Variants in CCDC141 observed in about 807,000 individuals in gnomAD.
CCDC141 encodes coiled-coil domain containing 141.
Under a neutral mutation model 181.0 loss-of-function variants are expected in CCDC141, and 168 were observed. The ratio of observed to expected loss-of-function variants is 0.93; its 90% CI spans 0.82 to 1.05. The LOEUF (loss-of-function observed/expected upper bound fraction) is 1.05, where lower values mean the gene tolerates loss of function less well. Ranked by LOEUF, CCDC141 falls within the 50% of genes least tolerant of loss-of-function variation. The pLI, the probability that CCDC141 is intolerant of heterozygous loss-of-function variation, is 0.00. For missense variants in CCDC141, 1,902 were observed against 1,788.5 expected, an observed-to-expected ratio of 1.06 and a Z score of -1.14; for synonymous variants, 666 against 642.3, an observed-to-expected ratio of 1.04 and a Z score of -0.56.
intron 23 of CCDC141, among the ~76,000 whole-genome samples, chr2:178,835,500 T>C (rs1684441517): frequency 6.6e-6 from 1 of 152,214 alleles, no homozygotes; most frequent in Non-Finnish European, 1.5e-5. Flanking sequence ...TGATGACAAA[T>C]GTGAATCGTT....
intron 2 of CCDC141, among the ~76,000 whole-genome samples, chr2:179,029,849 A>G (rs1433353548): frequency 6.6e-6 from 1 of 152,130 alleles, no homozygotes; most frequent in Admixed American, 6.6e-5. Context: ...TGATATAGAA[A>G]GTTTTCTGTT....
intron 6 of CCDC141, among the ~76,000 whole-genome samples, chr2:178,936,314 T>C (rs1330928775): frequency 6.6e-6 from 1 of 152,156 alleles, no homozygotes; most frequent in Non-Finnish European, 1.5e-5. Context: ...ATCTTCTGCA[T>C]GTGGCTAGTC....
chr2:178,850,031 C>A lies in CCDC141; in HGVS notation c.3357+18G>T. Reference sequence around the variant, plus strand: ...TTTATTTTGCTTGAAAATACATATTCTAGGAAGAAGAAATTACCTTCAGTT... The same window carrying A: ...TTTATTTTGCTTGAAAATACATATTATAGGAAGAAGAAATTACCTTCAGTT... On this transcript the variant is annotated intron_variant, in intron 21 of 23. Coordinates refer to ENST00000443758, the MANE Select transcript of CCDC141 (RefSeq NM_173648.4). 1 of 1,334,238 alleles carries A rather than the reference C, an allele frequency of 7.5e-7. No homozygotes were observed. The highest frequency in any genetic ancestry group is 1.1e-6 in the Non-Finnish European group (1 of 941,040). 82.6% of individuals were successfully genotyped at this position (1,334,238 alleles called of 1,614,324 possible).
At chr2:178,859,575 T>C (rs1685517001) in intron 17 of CCDC141, among the ~76,000 whole-genome samples, 1 of 152,142 alleles carries the variant, frequency 6.6e-6, no homozygotes, top group African/African-American at 2.4e-5. Context: ...TTATAATTCA[T>C]ATTAAAGTTC....
rs947769235 is a variant in CCDC141, at chr2:178,938,947, A to T, written c.897+5588T>A. On this transcript the variant is annotated intron_variant, in intron 6 of 23. Coordinates refer to ENST00000443758, the MANE Select transcript of CCDC141 (RefSeq NM_173648.4). ...ATTCTGTTCTGGAGTAAGGGAAGAC[A>T]AAGAATATAGAACTATAAACATTTG... Among the ~76,000 whole-genome samples the T allele has an allele frequency of 5.9e-5, 9 of 152,296 alleles. No individual in the cohort carries two copies. The South Asian group carries it at 8.3e-4, about 14-fold the overall frequency.
At chr2:179,000,042 A>G (rs1575326934) in intron 2 of CCDC141, among the ~76,000 whole-genome samples, 1 of 141,432 alleles carries the variant, frequency 7.1e-6, no homozygotes, top group South Asian at 2.3e-4. Context: ...CACTGCTCAG[A>G]GATTCATCAC....
chr2:178,907,759 C>A (rs1354265056), intron 7 of CCDC141, among the ~76,000 whole-genome samples: 2 of 151,974 alleles, frequency 1.3e-5, no homozygotes, highest in African/African-American at 4.8e-5. Flanking sequence ...TTTGGGAGGC[C>A]AAGGTGGGTG....
chr2:179,043,041 G>A (rs914367914), intron 2 of CCDC141, among the ~76,000 whole-genome samples: 4 of 152,100 alleles, frequency 2.6e-5, no homozygotes, highest in African/African-American at 7.2e-5. Context: ...AAGGGGGATA[G>A]TACAACTGAC....
At chr2:178,924,992 C>T in intron 6 of CCDC141, among the ~76,000 whole-genome samples, 1 of 152,198 alleles carries the variant, frequency 6.6e-6, no homozygotes, top group East Asian at 1.9e-4. Context: ...CAATGACAGT[C>T]ACCACCAGTT....
chr2:178,828,655 G>A (rs1403331836), downstream of CCDC141, among the ~76,000 whole-genome samples: 1 of 152,160 alleles, frequency 6.6e-6, no homozygotes, highest in African/African-American at 2.4e-5. Flanking sequence ...ACCCTGCCAA[G>A]TAAGTGGTTT....
chr2:178,863,451 T>C (rs1208809380), intron 17 of CCDC141, among the ~76,000 whole-genome samples: 2 of 152,214 alleles, frequency 1.3e-5, no homozygotes, highest in African/African-American at 2.4e-5. Context: ...GTATCATATT[T>C]AATTTTACGT....
intron 2 of CCDC141, among the ~76,000 whole-genome samples, chr2:179,010,839 G>A (rs898318148): frequency 6.6e-6 from 1 of 152,154 alleles, no homozygotes; most frequent in Non-Finnish European, 1.5e-5. Flanking sequence ...AACATTGAAT[G>A]TAAATGCCTA....
At chr2:178,869,748 TA>T (rs1421584556) in intron 14 of CCDC141, among the ~76,000 whole-genome samples, 1 of 152,122 alleles carries the variant, frequency 6.6e-6, no homozygotes, top group Admixed American at 6.5e-5. Context: ...TGCTCTGTGA[TA>T]AAAGAATGAT....
At chr2:178,847,701 G>A (rs979037165) in intron 21 of CCDC141, among the ~76,000 whole-genome samples, 1 of 152,132 alleles carries the variant, frequency 6.6e-6, no homozygotes, top group African/African-American at 2.4e-5. Flanking sequence ...TTATATGTGG[G>A]ATTATACTAG....
chr2:179,033,596 G>T (rs1326849914), intron 2 of CCDC141, among the ~76,000 whole-genome samples: 3 of 152,082 alleles, frequency 2.0e-5, no homozygotes. Context: ...GATGGATTCT[G>T]TGTCCACTTT....
intron 5 of CCDC141, among the ~76,000 whole-genome samples, chr2:178,947,606 G>C (rs1689785495): frequency 6.6e-6 from 1 of 152,074 alleles, no homozygotes; most frequent in Non-Finnish European, 1.5e-5. Context: ...TTTGTGTGTG[G>C]TGTGTGTGTA....
In CCDC141 at chr2:178,855,022, C is replaced by G. The variant is rs547336266; in HGVS notation, c.3060+325G>C. Among the ~76,000 whole-genome samples the G allele has an allele frequency of 3.3e-5, 5 of 152,236 alleles. No homozygotes were observed. The South Asian group carries it at 1.0e-3, about 32-fold the overall frequency. On this transcript the variant is annotated intron_variant, in intron 19 of 23. Transcript: ENST00000443758. ...CATTCTGAGCATTTTAAACAGATAT[C>G]CAGCAGTGAACATAATTTCATGATA... is the stretch of plus-strand genomic sequence containing the variant.
intron 2 of CCDC141, among the ~76,000 whole-genome samples, chr2:179,000,287 C>T (rs1027280816): frequency 1.3e-5 from 2 of 152,036 alleles, no homozygotes; most frequent in African/African-American, 4.8e-5. Context: ...ATTTCAATGT[C>T]CATAATAAAG....
rs1188110257 is a variant in CCDC141, at chr2:178,865,923, G to C, written c.2575-7C>G. The C allele has an allele frequency of 7.2e-6, 11 of 1,518,010 alleles. No homozygotes were observed. The highest frequency in any genetic ancestry group is 9.7e-6 in the Non-Finnish European group (11 of 1,130,802). 94.0% of individuals were successfully genotyped at this position (1,518,010 alleles called of 1,614,324 possible). A position where few individuals can be genotyped will look rare whatever the true frequency, so the allele number is the denominator to read the frequency against. ...CAGAAACATTAGAGCAGTGCTAAAA[G>C]AGACAAATGGTGGTAACAGAGAGAA... On this transcript the variant is annotated splice_region_variant and splice_polypyrimidine_tract_variant and intron_variant, in intron 16 of 23. Transcript: ENST00000443758.
Sources: gnomAD v4.1 joint callset for allele counts (sites outside exome capture counted in the v4.1 genomes callset) on GRCh38, gnomAD v4.1.1 for gene constraint, MANE v1.5 for transcripts, NCBI Gene and HGNC (gene_info 2026-07-23, HGNC 2026-07-21) for gene names.